The following ROR1 variants were observed in gnomAD, a reference collection of about 807,000 sequenced individuals.
The protein encoded by ROR1 is ROR family WNT receptor 1.
In ROR1, 19 loss-of-function variants were observed where a neutral mutation model predicts 78.8. That is an observed-to-expected ratio of 0.24 (90% CI 0.17 to 0.35). The LOEUF (loss-of-function observed/expected upper bound fraction) is 0.35. ROR1 is among the 10% of genes least tolerant of loss of function. The pLI is 1.00. For synonymous variants in ROR1, 386 were observed against 433.6 expected (o/e 0.89, Z 1.36); for missense variants, 917 against 1,177.8 (o/e 0.78, Z 3.24).
chr1:63,967,515 C>A (rs1184252625), intron 1 of ROR1, among the ~76,000 whole-genome samples: 1 of 152,148 alleles, frequency 6.6e-6, no homozygotes, highest in Non-Finnish European at 1.5e-5. Context: ...TGCATGCCAC[C>A]ACCCCTGGCC....
intron 8 of ROR1, among the ~76,000 whole-genome samples, chr1:64,173,673 CA>C (rs1650301453): frequency 6.6e-6 from 1 of 152,178 alleles, no homozygotes; most frequent in Admixed American, 6.5e-5. Context: ...GTTCTGTTTC[CA>C]AAGGCAAGTA....
At chr1:63,902,606 G>A (rs943733035) in intron 1 of ROR1, among the ~76,000 whole-genome samples, 7 of 152,072 alleles carry the variant, frequency 4.6e-5, no homozygotes, top group African/African-American at 1.7e-4. Context: ...TTACAGGCAT[G>A]AGCCACCGTT....
At chr1:64,146,257 C>T (rs955047057) in intron 7 of ROR1, among the ~76,000 whole-genome samples, 1 of 152,198 alleles carries the variant, frequency 6.6e-6, no homozygotes, top group Non-Finnish European at 1.5e-5. Flanking sequence ...AGGCAGATCA[C>T]TTGAGGTCAG....
chr1:63,784,859 A>G (rs1644674410), intron 1 of ROR1, among the ~76,000 whole-genome samples: 1 of 152,206 alleles, frequency 6.6e-6, no homozygotes, highest in African/African-American at 2.4e-5. Flanking sequence ...TTCTTCCTTT[A>G]AGATTTTTCA....
chr1:63,872,595 C>G (rs1434923236), intron 1 of ROR1, among the ~76,000 whole-genome samples: 1 of 152,134 alleles, frequency 6.6e-6, no homozygotes, highest in African/African-American at 2.4e-5. Flanking sequence ...GAATTCCTCT[C>G]AGATTTGTCC....
chr1:64,102,463 A>G (rs1196907560), intron 4 of ROR1, among the ~76,000 whole-genome samples: 1 of 152,156 alleles, frequency 6.6e-6, no homozygotes, highest in East Asian at 1.9e-4. Flanking sequence ...TCAGTCCCTC[A>G]GAGCTTACAT....
intron 4 of ROR1, among the ~76,000 whole-genome samples, chr1:64,090,815 C>G (rs1647189629): frequency 6.6e-6 from 1 of 152,062 alleles, no homozygotes; most frequent in Admixed American, 6.6e-5. Context: ...TAAAGTTGCC[C>G]TTTTTTCCCT....
At chr1:63,851,616 T>C (rs1645114463) in intron 1 of ROR1, among the ~76,000 whole-genome samples, 1 of 152,198 alleles carries the variant, frequency 6.6e-6, no homozygotes, top group African/African-American at 2.4e-5. Flanking sequence ...ATTATTCCCC[T>C]CATTGCCCTA....
chr1:63,872,674 A>G (rs1232814376), intron 1 of ROR1, among the ~76,000 whole-genome samples: 1 of 152,136 alleles, frequency 6.6e-6, no homozygotes, highest in African/African-American at 2.4e-5. Context: ...AGGCAGTCTG[A>G]TTTTATCCTT....
chr1:64,014,963 A>G (rs1455127920), intron 2 of ROR1, among the ~76,000 whole-genome samples: 1 of 150,898 alleles, frequency 6.6e-6, no homozygotes, highest in Non-Finnish European at 1.5e-5. Context: ...CATGCTACAG[A>G]TAAAGACATA....
intron 8 of ROR1, among the ~76,000 whole-genome samples, chr1:64,162,395 C>CCCGGCTTGGGTCCCCAGAGAGGT (rs1557680163): frequency 1.3e-5 from 2 of 152,168 alleles, no homozygotes; most frequent in Non-Finnish European, 2.9e-5. Flanking sequence ...GCTGACGAGG[C>CCCGGCTTGGGTCCCCAGAGAGGT]CCGGCTTGGG....
intron 8 of ROR1, among the ~76,000 whole-genome samples, chr1:64,160,999 G>T (rs4915656): frequency 1 from 151,886 of 152,354 alleles, 75,711 homozygotes; most frequent in Non-Finnish European, 1. Context: ...ATCTGCAATT[G>T]AATTACATTT....
intron 4 of ROR1, among the ~76,000 whole-genome samples, chr1:64,082,416 G>A (rs1441131015): frequency 6.6e-6 from 1 of 152,224 alleles, no homozygotes; most frequent in Non-Finnish European, 1.5e-5. Flanking sequence ...ATGGAAGAAT[G>A]CTGATATCAA....
At chr1:64,078,328 A>T (rs1410847483) in intron 4 of ROR1, among the ~76,000 whole-genome samples, 1 of 152,234 alleles carries the variant, frequency 6.6e-6, no homozygotes, top group South Asian at 2.1e-4. Context: ...CAGGAAACAA[A>T]AATGATCTGT....
At chr1:64,090,193 T>G (rs1327333373) in intron 4 of ROR1, among the ~76,000 whole-genome samples, 1 of 152,198 alleles carries the variant, frequency 6.6e-6, no homozygotes, top group Non-Finnish European at 1.5e-5. Context: ...AAAAGCCTAT[T>G]GTCTTCTCAA....
intron 4 of ROR1, chr1:64,112,214 A>G (rs756840688): frequency 4.6e-5 from 7 of 152,190 alleles, no homozygotes; most frequent in Non-Finnish European, 8.8e-5. Context: ...AGCTGATCAT[A>G]TATCAATAAT....
intron 7 of ROR1, among the ~76,000 whole-genome samples, chr1:64,150,630 G>A (rs181967998): frequency 6.6e-6 from 1 of 152,366 alleles, no homozygotes; most frequent in East Asian, 1.9e-4. Context: ...GAATTGGATG[G>A]TGGAGGGGGT....
intron 2 of ROR1, among the ~76,000 whole-genome samples, chr1:64,027,901 T>A (rs1318664022): frequency 6.6e-6 from 1 of 152,104 alleles, no homozygotes; most frequent in Non-Finnish European, 1.5e-5. Context: ...TTGGCCAGGA[T>A]AGTCTTGATC....
chr1:63,794,133 T>C (rs925799476), intron 1 of ROR1, among the ~76,000 whole-genome samples: 2 of 152,214 alleles, frequency 1.3e-5, no homozygotes, highest in African/African-American at 4.8e-5. Context: ...ACAAAGCTAA[T>C]GTGACCAAAG....
Sources: gnomAD v4.1 joint callset for allele counts (sites outside exome capture counted in the v4.1 genomes callset) on GRCh38, gnomAD v4.1.1 for gene constraint, MANE v1.5 for transcripts, NCBI Gene and HGNC (gene_info 2026-07-23, HGNC 2026-07-21) for gene names.